The following FMN2 variants were observed in gnomAD, a reference collection of about 807,000 sequenced individuals.
The protein encoded by FMN2 is formin-2.
FMN2 carries 51 observed loss-of-function variants against 142.3 expected under a neutral mutation model. The observed-to-expected ratio is 0.36, with a 90% CI of 0.29 to 0.45. FMN2 has a LOEUF of 0.45. Among genes scored for constraint, FMN2 ranks in the 20% least tolerant of loss-of-function variants. FMN2 has a pLI of 1.00. For synonymous variants in FMN2, 882 were observed against 869.8 expected (o/e 1.01, Z -0.25); for missense variants, 1,936 against 2,122.8 (o/e 0.91, Z 1.73).
At chr1:240,315,293 G>C (rs1437167473) in intron 8 of FMN2, among the ~76,000 whole-genome samples, 1 of 152,178 alleles carries the variant, frequency 6.6e-6, no homozygotes, top group Non-Finnish European at 1.5e-5. Context: ...ACTAAAGCTG[G>C]ATCCTAACTT....
At chr1:240,451,862 T>G (rs1676059628) in intron 16 of FMN2, among the ~76,000 whole-genome samples, 1 of 152,104 alleles carries the variant, frequency 6.6e-6, no homozygotes, top group Admixed American at 6.6e-5. Context: ...ACTATTAATA[T>G]TTCTCTTGTT....
At chr1:240,411,965 T>C (rs1674409294) in intron 15 of FMN2, among the ~76,000 whole-genome samples, 2 of 152,172 alleles carry the variant, frequency 1.3e-5, no homozygotes, top group Admixed American at 1.3e-4. Flanking sequence ...TTGTACATCC[T>C]CAATATAAAC....
At chr1:240,325,433 T>A (rs1230444193) in intron 8 of FMN2, among the ~76,000 whole-genome samples, 1 of 151,846 alleles carries the variant, frequency 6.6e-6, no homozygotes. Context: ...GAGTGTATAC[T>A]TATTAGAGTG....
chr1:240,337,203 C>CTTTT (rs752506621), intron 13 of FMN2, among the ~76,000 whole-genome samples: 54 of 90,478 alleles, frequency 6.0e-4, no homozygotes, highest in African/African-American at 7.9e-4. Flanking sequence ...TATTCCTTTT[C>CTTTT]TTTTTTTTTT....
At chr1:240,469,770 C>T (rs1676749347) in intron 16 of FMN2, among the ~76,000 whole-genome samples, 1 of 152,172 alleles carries the variant, frequency 6.6e-6, no homozygotes, top group Admixed American at 6.5e-5. Flanking sequence ...GGTGGTTGCT[C>T]TTAATGCAAC....
At chr1:240,449,089 C>T (rs1372299055) in intron 16 of FMN2, among the ~76,000 whole-genome samples, 2 of 150,438 alleles carry the variant, frequency 1.3e-5, no homozygotes, top group African/African-American at 4.9e-5. Context: ...CTGCAGCAAA[C>T]AGAGATAGTT....
At position 240,216,897 on chromosome 1, in the gene FMN2, C is replaced by T. The variant is rs574478308; in HGVS notation, c.4065+5662C>T. On this transcript the variant is annotated intron_variant, in intron 6 of 17. Transcript: ENST00000319653. ...CCGGGAGGCGGAGGTTGCAGTGAGC[C>T]GAGATCGCGCCACTACACTCCAGCC... is the stretch of plus-strand genomic sequence containing the variant. 2.6e-5 allele frequency among the ~76,000 whole-genome samples: 4 copies of T among 151,582 alleles called. No individual in the cohort carries two copies. The East Asian group carries it at 5.8e-4, about 22-fold the overall frequency.
chr1:240,193,674 C>T (rs780057162), intron 4 of FMN2, among the ~76,000 whole-genome samples: 2 of 152,236 alleles, frequency 1.3e-5, no homozygotes, highest in Non-Finnish European at 2.9e-5. Flanking sequence ...CCAGGTTTTG[C>T]TTTCCTTCTC....
chr1:240,166,879 T>C (rs1407690911), intron 2 of FMN2, among the ~76,000 whole-genome samples: 1 of 152,182 alleles, frequency 6.6e-6, no homozygotes, highest in African/African-American at 2.4e-5. Flanking sequence ...CCCAGAACTT[T>C]GGGAGGCCGA....
intron 7 of FMN2, among the ~76,000 whole-genome samples, chr1:240,275,295 T>C (rs1669165609): frequency 6.6e-6 from 1 of 151,938 alleles, no homozygotes; most frequent in African/African-American, 2.4e-5. Flanking sequence ...TGTGTCCATG[T>C]GTTCTCATTG....
chr1:240,201,005 T>C (rs1666102468), intron 4 of FMN2, among the ~76,000 whole-genome samples: 1 of 152,256 alleles, frequency 6.6e-6, no homozygotes. Flanking sequence ...CTCTGCCATT[T>C]GTTAGCTCTG....
chr1:240,187,289 AAAG>A (rs1451273281), intron 3 of FMN2, among the ~76,000 whole-genome samples: 10 of 147,898 alleles, frequency 6.8e-5, no homozygotes, highest in African/African-American at 2.5e-4. Flanking sequence ...AAAAAAAAAA[AAAG>A]AAAAGAAAAA....
At chr1:240,391,815 G>A (rs1461268728) in intron 14 of FMN2, among the ~76,000 whole-genome samples, 1 of 137,866 alleles carries the variant, frequency 7.3e-6, no homozygotes, top group Non-Finnish European at 1.6e-5. Flanking sequence ...TTCCTAGAAT[G>A]CTTACTTGTC....
intron 15 of FMN2, among the ~76,000 whole-genome samples, chr1:240,416,894 C>CT (rs1289447683): frequency 2.0e-5 from 3 of 151,188 alleles, no homozygotes; most frequent in Non-Finnish European, 2.9e-5. Context: ...TTTAATTTTT[C>CT]TTTTTTTAAA....
chr1:240,211,492 A>G (rs867832468), intron 6 of FMN2, among the ~76,000 whole-genome samples: 26 of 152,186 alleles, frequency 1.7e-4, no homozygotes, highest in Admixed American at 2.6e-4. Context: ...AATATCCGCC[A>G]TTGTTTCTTT....
At chr1:240,175,088 GT>G (rs1452750585) in intron 2 of FMN2, among the ~76,000 whole-genome samples, 1 of 152,166 alleles carries the variant, frequency 6.6e-6, no homozygotes, top group Non-Finnish European at 1.5e-5. Flanking sequence ...GTATTCGTCT[GT>G]TTGTAGCAGG....
At chr1:240,308,321 G>A (rs12143787) in intron 8 of FMN2, among the ~76,000 whole-genome samples, 26,495 of 152,200 alleles carry the variant, frequency 0.17, 2,973 homozygotes, top group Admixed American at 0.32. Context: ...CTAGGGACTT[G>A]TAGAACTTTG....
chr1:240,421,472 TG>T (rs1674761212), intron 15 of FMN2, among the ~76,000 whole-genome samples: 1 of 152,200 alleles, frequency 6.6e-6, no homozygotes, highest in African/African-American at 2.4e-5. Context: ...TTGTGAAAGA[TG>T]GGAGATCGGA....
intron 14 of FMN2, among the ~76,000 whole-genome samples, chr1:240,386,467 C>T (rs1437927608): frequency 6.6e-6 from 1 of 152,194 alleles, no homozygotes; most frequent in Non-Finnish European, 1.5e-5. Context: ...TCTCCAATTA[C>T]CTGGGAATAT....
Sources: gnomAD v4.1 joint callset for allele counts (sites outside exome capture counted in the v4.1 genomes callset) on GRCh38, gnomAD v4.1.1 for gene constraint, MANE v1.5 for transcripts, NCBI Gene and HGNC (gene_info 2026-07-23, HGNC 2026-07-21) for gene names.